Variants in MBNL2 observed in about 807,000 individuals in gnomAD.
The protein encoded by MBNL2 is muscleblind-like protein 2.
MBNL2 carries 17 observed loss-of-function variants against 41.9 expected under a neutral mutation model. The observed-to-expected ratio is 0.41, with a 90% CI of 0.28 to 0.61. The LOEUF is 0.61. MBNL2 is among the 20% of genes least tolerant of loss of function. The probability of loss-of-function intolerance (pLI) is 0.35; values close to 1 mark genes in which losing one functional copy is unlikely to be tolerated. For synonymous variants in MBNL2, 195 were observed against 182.9 expected (o/e 1.07, Z -0.53); for missense variants, 336 against 505.6 (o/e 0.66, Z 3.22).
intron 1 of MBNL2, among the ~76,000 whole-genome samples, chr13:97,249,317 A>G (rs1282174370): frequency 6.6e-6 from 1 of 152,236 alleles, no homozygotes; most frequent in Non-Finnish European, 1.5e-5. Context: ...CCTATTGTTC[A>G]GTTTTGAAGA....
intron 4 of MBNL2, among the ~76,000 whole-genome samples, chr13:97,343,439 C>A (rs2061583800): frequency 6.6e-6 from 1 of 152,192 alleles, no homozygotes; most frequent in Non-Finnish European, 1.5e-5. Context: ...ACACAAAAAT[C>A]AGCTGCATGG....
chr13:97,224,375 TGTCACAGGTGGCAAC>T (rs2041271994), intron 1 of MBNL2, among the ~76,000 whole-genome samples: 3 of 152,136 alleles, frequency 2.0e-5, no homozygotes, highest in Admixed American at 6.5e-5. Context: ...TGCAAATCCA[TGTCACAGGTGGCAAC>T]CTTGGTCACA....
intron 4 of MBNL2, among the ~76,000 whole-genome samples, chr13:97,344,432 G>A (rs1003397164): frequency 4.6e-5 from 7 of 152,212 alleles, no homozygotes; most frequent in African/African-American, 1.7e-4. Flanking sequence ...AGTGCTTTCT[G>A]TTAGTGGGAT....
chr13:97,146,583 T>A, the MBNL2 span, among the ~76,000 whole-genome samples: 2 of 152,136 alleles, frequency 1.3e-5, no homozygotes, highest in Admixed American at 1.3e-4. Flanking sequence ...AGGACCTTAA[T>A]CTTGTGGGGA....
At chr13:97,276,550 C>T in intron 2 of MBNL2, 141 bp downstream of exon 2, 1 of 808,982 alleles carries the variant, frequency 1.2e-6, no homozygotes, top group Non-Finnish European at 1.9e-6. Context: ...GGAGATTTTT[C>T]ACTCAAATTT....
At chr13:97,302,932 A>G (rs2057771918) in intron 2 of MBNL2, among the ~76,000 whole-genome samples, 1 of 152,172 alleles carries the variant, frequency 6.6e-6, no homozygotes, top group Non-Finnish European at 1.5e-5. Context: ...ATGTCATGAA[A>G]AAGTTCTTAT....
chr13:97,354,293 CAT>C (rs2062790700), intron 5 of MBNL2, among the ~76,000 whole-genome samples: 1 of 152,158 alleles, frequency 6.6e-6, no homozygotes, highest in Non-Finnish European at 1.5e-5. Flanking sequence ...TGTAGGTAAA[CAT>C]ATGCAGCAGT....
chr13:97,217,727 TGAG>T (rs778395902), upstream of MBNL2, among the ~76,000 whole-genome samples: 21 of 152,230 alleles, frequency 1.4e-4, no homozygotes, highest in Non-Finnish European at 1.9e-4. Flanking sequence ...TGGAAGATAA[TGAG>T]GAGACATGGA....
chr13:97,291,900 C>CAAAAAAAAAAAAAAAAAAAAAAAAAA (rs763407208), intron 2 of MBNL2, among the ~76,000 whole-genome samples: 9 of 37,818 alleles, frequency 2.4e-4, no homozygotes, highest in African/African-American at 4.7e-4. Context: ...GTCTCCGTCT[C>CAAAAAAAAAAAAAAAAAAAAAAAAAA]AAAAAAAAAA....
chr13:97,240,145 G>T (rs192256688), intron 1 of MBNL2, among the ~76,000 whole-genome samples: 3 of 152,138 alleles, frequency 2.0e-5, no homozygotes, highest in Admixed American at 6.5e-5. Context: ...ATTCTGACTC[G>T]GGGAGTCTGA....
At chr13:97,339,664 G>A (rs995817436) in intron 3 of MBNL2, among the ~76,000 whole-genome samples, 3 of 151,968 alleles carry the variant, frequency 2.0e-5, no homozygotes, top group Middle Eastern at 3.2e-3. Flanking sequence ...CTCAGACACC[G>A]GGATCCGTTG....
At chr13:97,288,229 C>T (rs2055066484) in intron 2 of MBNL2, among the ~76,000 whole-genome samples, 1 of 152,116 alleles carries the variant, frequency 6.6e-6, no homozygotes. Flanking sequence ...AATTCAAAGG[C>T]AGGGATCTAT....
the MBNL2 span, among the ~76,000 whole-genome samples, chr13:97,152,346 A>AT: frequency 9.9e-5 from 15 of 152,244 alleles, no homozygotes; most frequent in South Asian, 2.9e-3. Flanking sequence ...TAAGAGTTTC[A>AT]TAAAAAAAGA....
At chr13:97,180,040 T>C in the MBNL2 span, among the ~76,000 whole-genome samples, 29 of 152,226 alleles carry the variant, frequency 1.9e-4, no homozygotes, top group African/African-American at 7.0e-4. Context: ...GTATAAGGTA[T>C]GAATGAGAGA....
Position 97,346,710 on chromosome 13 carries a change from G to C in MBNL2, c.541-94G>C, listed in dbSNP as rs565409941. The C allele has an allele frequency of 6.1e-6, 6 of 990,370 alleles. No individual in the cohort carries two copies. The South Asian group carries it at 9.5e-5, about 16-fold the overall frequency. 61.3% of individuals were successfully genotyped at this position (990,370 alleles called of 1,614,324 possible). A position where few individuals can be genotyped will look rare whatever the true frequency, so the allele number is the denominator to read the frequency against. ...TGGTACATGAGCCACCATTGAAAGC[G>C]AGGCAGCCTCCGCTCCTCCCGCGGT... On this transcript the variant is annotated intron_variant, in intron 4 of 8. Transcript: ENST00000679496. This position sits in a 1 kb window ranked among gnomAD's most constrained non-coding sequence, Gnocchi z 4.2.
chr13:97,246,092 T>G (rs533193372), intron 1 of MBNL2, among the ~76,000 whole-genome samples: 2 of 152,348 alleles, frequency 1.3e-5, no homozygotes, highest in African/African-American at 2.4e-5. Context: ...ATTGTGGAAC[T>G]TAAATTGGAA....
At chr13:97,255,581 C>A (rs912505862) in intron 1 of MBNL2, among the ~76,000 whole-genome samples, 2 of 152,178 alleles carry the variant, frequency 1.3e-5, no homozygotes, top group Non-Finnish European at 2.9e-5. Context: ...CCTTCTAACT[C>A]CCAGACTTAC....
intron 1 of MBNL2, among the ~76,000 whole-genome samples, chr13:97,230,571 A>G (rs2042242753): frequency 6.6e-6 from 1 of 152,260 alleles, no homozygotes; most frequent in South Asian, 2.1e-4. Flanking sequence ...GAACAGAGAT[A>G]GGCAATGACA....
intron 8 of MBNL2, among the ~76,000 whole-genome samples, chr13:97,385,425 C>G (rs548637848): frequency 3.3e-5 from 5 of 152,326 alleles, no homozygotes; most frequent in African/African-American, 1.2e-4. Flanking sequence ...CAAAGACAGT[C>G]CTAATGGCTA....
Sources: allele counts gnomAD v4.1 joint callset (sites outside exome capture counted in the v4.1 genomes callset), GRCh38; gene constraint gnomAD v4.1.1; non-coding constraint Gnocchi (gnomAD v3.1); transcripts MANE v1.5; gene names NCBI Gene and HGNC (gene_info 2026-07-23, HGNC 2026-07-21).